Variants in SCN3A observed in about 807,000 individuals in gnomAD.
SCN3A encodes the protein sodium channel protein type 3 subunit alpha.
SCN3A carries 60 observed loss-of-function variants against 187.6 expected under a neutral mutation model. The observed-to-expected ratio is 0.32, with a 90% CI of 0.26 to 0.40. The LOEUF is 0.40. Among genes scored for constraint, SCN3A ranks in the 10% least tolerant of loss-of-function variants. SCN3A has a pLI of 1.00. For missense variants in SCN3A, 1,601 were observed against 2,428.2 expected (o/e 0.66, Z 7.16); for synonymous variants, 788 against 829.2 (o/e 0.95, Z 0.85).
rs530503693 is a variant in SCN3A at position 165,197,372 on chromosome 2, C to A, written c.-248+6451G>T. Among the ~76,000 whole-genome samples the A allele has an allele frequency of 2.0e-5, 3 of 152,176 alleles. No individual in the cohort carries two copies. The South Asian group carries it at 6.2e-4, about 32-fold the overall frequency. ...TGGCTACACATTTGAACTACAATTG[C>A]AGAGCTTTTAAGCAAATATTGATAC... On this transcript the variant is annotated intron_variant, in intron 1 of 27. Transcript: ENST00000283254.
rs995088114 is a variant in SCN3A, at chr2:165,181,194, A to G, written c.-50-4750T>C. 3.3e-5 allele frequency among the ~76,000 whole-genome samples: 5 copies of G among 152,222 alleles called. No homozygotes were observed. In the East Asian group the frequency reaches 7.7e-4, roughly 23 times the overall value. On this transcript the variant is annotated intron_variant, in intron 2 of 27. Transcript: ENST00000283254. Reference sequence around the variant, plus strand: ...ATAGAATATGTTGTTTTATTGAAATATATGAAGAGAATTTTCACGCATATG... The same window carrying G: ...ATAGAATATGTTGTTTTATTGAAATGTATGAAGAGAATTTTCACGCATATG...
intron 11 of SCN3A, among the ~76,000 whole-genome samples, chr2:165,153,987 A>ATTTTTTTTTTTTTTTTTTTTT (rs71393659): frequency 1.1e-5 from 1 of 92,770 alleles, no homozygotes; most frequent in African/African-American, 4.7e-5. Flanking sequence ...TATAGCAAAC[A>ATTTTTTTTTTTTTTTTTTTTT]TTTTTTTTTT....
chr2:165,144,691 TG>T (rs1361752208), intron 12 of SCN3A, among the ~76,000 whole-genome samples: 1 of 152,220 alleles, frequency 6.6e-6, no homozygotes, highest in African/African-American at 2.4e-5. Flanking sequence ...CCTCTTTTCC[TG>T]CTTACTTTTT....
chr2:165,111,063 G>A (rs781486823), intron 21 of SCN3A, among the ~76,000 whole-genome samples: 23 of 152,114 alleles, frequency 1.5e-4, no homozygotes, highest in Non-Finnish European at 2.9e-4. Context: ...TGCTGGGCAC[G>A]GTGGCTCATG....
At chr2:165,103,436 T>C (rs1685700651) in intron 21 of SCN3A, among the ~76,000 whole-genome samples, 1 of 152,198 alleles carries the variant, frequency 6.6e-6, no homozygotes, top group South Asian at 2.1e-4. Flanking sequence ...TTTAATATTA[T>C]CTCTTTTGTG....
intron 3 of SCN3A, among the ~76,000 whole-genome samples, chr2:165,173,213 T>G (rs1690225688): frequency 6.6e-6 from 1 of 152,198 alleles, no homozygotes; most frequent in Non-Finnish European, 1.5e-5. Context: ...ATCAGAGAAC[T>G]CAAAAAATGA....
intron 21 of SCN3A, among the ~76,000 whole-genome samples, chr2:165,102,728 A>G (rs1240032496): frequency 6.6e-6 from 1 of 152,156 alleles, no homozygotes; most frequent in Non-Finnish European, 1.5e-5. Flanking sequence ...CCAGAGTTGC[A>G]GCCACAATAT....
At position 165,140,782 on chromosome 2, in the gene SCN3A, T is replaced by C; in HGVS notation, c.1888A>G (p.Met630Val). Residue 630 changes from methionine to valine, a missense_variant, in exon 13 of 28, where the codon ATG becomes GTG. Physicochemically the swap from Met to Val is conservative, Grantham distance 21 (BLOSUM62 1). Around this residue, in one of 11 missense-constraint regions of SCN3A, gnomAD observed 376 missense variants for 476.0 expected, o/e 0.79. Transcript: ENST00000283254. The surrounding 1 kb of genome is among the most constrained non-coding windows in gnomAD (Gnocchi z 4.2). ...RRNSNVSQAS[M>V]SSRMVPGLPA... ...AGCCCTGGCACCATCCTGGATGACA[T>C]ACTGGCCTGACTAACGTTACTGTTG... 1 of 1,614,162 alleles carries C rather than the reference T, an allele frequency of 6.2e-7. No individual in the cohort carries two copies. Among genetic ancestry groups the C allele is most frequent in the Non-Finnish European group, 8.5e-7 (1 of 1,180,020 alleles).
intron 1 of SCN3A, among the ~76,000 whole-genome samples, chr2:165,190,789 G>T (rs73969307): frequency 0.033 from 4,980 of 151,526 alleles, 144 homozygotes; most frequent in East Asian, 0.14. Context: ...ATTAAGAAAT[G>T]AACTTGGAAG....
intron 18 of SCN3A, among the ~76,000 whole-genome samples, chr2:165,117,790 TTAA>T (rs898675234): frequency 1.3e-4 from 20 of 152,224 alleles, no homozygotes; most frequent in African/African-American, 4.3e-4. Flanking sequence ...AAATAATATG[TTAA>T]TAATAAAAAA....
intron 21 of SCN3A, among the ~76,000 whole-genome samples, chr2:165,112,165 A>T (rs367900020): frequency 7.2e-5 from 11 of 152,318 alleles, no homozygotes; most frequent in African/African-American, 2.6e-4. Context: ...ACTACAAGGA[A>T]TCAGAGGACT....
chr2:165,155,847 T>C lies in SCN3A; in HGVS notation c.1088A>G (p.Tyr363Cys). Residue 363 changes from tyrosine (Y) to cysteine (C), a missense_variant, in exon 10 of 28, where the codon TAC becomes TGC. By Grantham distance (194) the Tyr-to-Cys change is radical. Coordinates refer to ENST00000283254, the MANE Select transcript of SCN3A (RefSeq NM_006922.4). ...CCAGCTAAAGGTGTCAAAGCTTGTGTAGCCATAGTTGGGGTTTCGACCAGC... is the reference window on the plus strand; with the variant it reads ...CCAGCTAAAGGTGTCAAAGCTTGTGCAGCCATAGTTGGGGTTTCGACCAGC... ...VKAGRNPNYGYTSFDTFSWAF... is the reference protein window; with the variant it reads ...VKAGRNPNYGCTSFDTFSWAF... 1 of 1,614,164 alleles carries C rather than the reference T, an allele frequency of 6.2e-7. No homozygotes were observed. Among genetic ancestry groups the C allele is most frequent in the Non-Finnish European group, 8.5e-7 (1 of 1,179,992 alleles).
intron 1 of SCN3A, among the ~76,000 whole-genome samples, chr2:165,198,564 G>C (rs1309441932): frequency 6.6e-6 from 1 of 151,984 alleles, no homozygotes; most frequent in South Asian, 2.1e-4. Context: ...TAACAATTTG[G>C]ATTTTTCAGC....
At chr2:165,164,047 A>G (rs1689581208) in intron 6 of SCN3A, among the ~76,000 whole-genome samples, 1 of 152,218 alleles carries the variant, frequency 6.6e-6, no homozygotes, top group African/African-American at 2.4e-5. Flanking sequence ...CTTTTAAGAA[A>G]CAAAATCGTG....
At chr2:165,196,804 C>G (rs1469534779) in intron 1 of SCN3A, among the ~76,000 whole-genome samples, 1 of 152,074 alleles carries the variant, frequency 6.6e-6, no homozygotes, top group African/African-American at 2.4e-5. Context: ...GCCTAAATTG[C>G]ACTTTTAAAA....
chr2:165,115,196 A>G (rs1322493582), intron 19 of SCN3A, among the ~76,000 whole-genome samples: 4 of 151,828 alleles, frequency 2.6e-5, no homozygotes, highest in African/African-American at 4.8e-5. Flanking sequence ...GACTACAGGC[A>G]TGTACCACCA....
chr2:165,156,780 T>C (rs921545675), intron 9 of SCN3A, among the ~76,000 whole-genome samples: 1 of 152,136 alleles, frequency 6.6e-6, no homozygotes, highest in African/African-American at 2.4e-5. Flanking sequence ...CTGAAACTTC[T>C]GGGCTCAAGC....
At position 165,087,651 on chromosome 2, in the gene SCN3A, C is replaced by A. The variant is rs1684895720; in HGVS notation, c.*2499G>T. ...GAATAAGAGTTTGGTTTTGACCTCACATAAATCCAAGGGTTCTTGAAAAAA... is the reference window on the plus strand; with the variant it reads ...GAATAAGAGTTTGGTTTTGACCTCAAATAAATCCAAGGGTTCTTGAAAAAA... On this transcript the variant is annotated 3_prime_UTR_variant, in exon 28 of 28. Transcript: ENST00000283254. The A allele has an allele frequency of 6.6e-6, 1 of 151,854 alleles. No individual in the cohort carries two copies. The highest frequency in any genetic ancestry group is 2.4e-5 in the African/African-American group (1 of 41,332). 9.4% of individuals were successfully genotyped at this position (151,854 alleles called of 1,614,324 possible).
chr2:165,093,164 A>G (rs931964797), intron 26 of SCN3A: 14 of 152,288 alleles, frequency 9.2e-5, no homozygotes, highest in African/African-American at 3.4e-4. Flanking sequence ...GTGACTACTA[A>G]TAACAAAGAT....
Sources: gnomAD v4.1 joint callset for allele counts (sites outside exome capture counted in the v4.1 genomes callset) on GRCh38, gnomAD v4.1.1 for gene constraint, gnomAD v4.1.1 regional missense constraint, Gnocchi (gnomAD v3.1) non-coding constraint, MANE v1.5 for transcripts, NCBI Gene and HGNC (gene_info 2026-07-23, HGNC 2026-07-21) for gene names.